Variants in CORIN observed in about 807,000 individuals in gnomAD.
CORIN encodes atrial natriuretic peptide-converting enzyme.
CORIN carries 117 observed loss-of-function variants against 125.3 expected under a neutral mutation model. The observed-to-expected ratio is 0.93, with a 90% CI of 0.80 to 1.09. The LOEUF is 1.09. Ranked by LOEUF, CORIN falls within the 50% of genes least tolerant of loss-of-function variation. CORIN has a pLI of 0.00. For missense variants in CORIN, 1,253 were observed against 1,306.7 expected (o/e 0.96, Z 0.63); for synonymous variants, 450 against 466.4 (o/e 0.96, Z 0.45).
At chr4:47,633,073 C>T (rs1305707527) in intron 16 of CORIN, among the ~76,000 whole-genome samples, 1 of 152,094 alleles carries the variant, frequency 6.6e-6, no homozygotes, top group Non-Finnish European at 1.5e-5. Flanking sequence ...TGAGCCACTG[C>T]GCCCAGCCTA....
intron 19 of CORIN, among the ~76,000 whole-genome samples, chr4:47,623,259 T>C (rs1722407889): frequency 6.6e-6 from 1 of 152,092 alleles, no homozygotes; most frequent in Admixed American, 6.6e-5. Flanking sequence ...GTTTAAGTTA[T>C]TATATATGTG....
intron 1 of CORIN, among the ~76,000 whole-genome samples, chr4:47,815,079 C>T (rs963630173): frequency 3.9e-5 from 6 of 152,030 alleles, no homozygotes; most frequent in African/African-American, 1.2e-4. Flanking sequence ...CTGTGAGAGA[C>T]GAGATTGGAA....
chr4:47,698,784 A>T (rs916722590), intron 5 of CORIN, among the ~76,000 whole-genome samples: 9 of 152,184 alleles, frequency 5.9e-5, no homozygotes, highest in African/African-American at 2.2e-4. Context: ...TTTTCTTAAC[A>T]ATGGACTACA....
intron 10 of CORIN, among the ~76,000 whole-genome samples, chr4:47,673,925 G>C (rs1254513690): frequency 1.5e-4 from 23 of 151,880 alleles, no homozygotes; most frequent in Admixed American, 1.5e-3. Flanking sequence ...GAGCCAAGAT[G>C]GGGCCACTGC....
intron 12 of CORIN, among the ~76,000 whole-genome samples, chr4:47,654,413 A>C (rs1723870987): frequency 6.6e-6 from 1 of 152,184 alleles, no homozygotes; most frequent in African/African-American, 2.4e-5. Context: ...GATCACTGAA[A>C]AAGGCACTGA....
At chr4:47,808,394 G>C (rs565053494) in intron 1 of CORIN, among the ~76,000 whole-genome samples, 1 of 152,306 alleles carries the variant, frequency 6.6e-6, no homozygotes, top group Non-Finnish European at 1.5e-5. Context: ...TCCCGTGGAT[G>C]CAAAGGCAAT....
chr4:47,684,539 G>A (rs1725426781), intron 6 of CORIN, among the ~76,000 whole-genome samples: 1 of 152,196 alleles, frequency 6.6e-6, no homozygotes, highest in Non-Finnish European at 1.5e-5. Context: ...GACTTTTAGT[G>A]TGTTATTGTT....
chr4:47,814,987 A>G (rs12645164), intron 1 of CORIN, among the ~76,000 whole-genome samples: 24,256 of 152,118 alleles, frequency 0.16, 2,155 homozygotes, highest in East Asian at 0.33. Flanking sequence ...CAAGGAGACT[A>G]GATAATAATA....
chr4:47,738,383 A>T (rs966695217), intron 5 of CORIN, among the ~76,000 whole-genome samples: 1 of 152,188 alleles, frequency 6.6e-6, no homozygotes, highest in Non-Finnish European at 1.5e-5. Context: ...CTTGGCAAAG[A>T]CTAGGATATA....
At chr4:47,737,182 G>A (rs146234448) in intron 5 of CORIN, among the ~76,000 whole-genome samples, 17 of 152,304 alleles carry the variant, frequency 1.1e-4, no homozygotes, top group Admixed American at 2.6e-4. Context: ...AGAGGTAGAC[G>A]GAGCCTTATA....
chr4:47,762,345 C>T (rs1344438060), intron 4 of CORIN, among the ~76,000 whole-genome samples: 1 of 152,096 alleles, frequency 6.6e-6, no homozygotes. Flanking sequence ...AGAAAAAATG[C>T]AACTTATTCT....
intron 9 of CORIN, among the ~76,000 whole-genome samples, chr4:47,676,554 C>T (rs1172542144): frequency 1.3e-5 from 2 of 152,146 alleles, no homozygotes; most frequent in Admixed American, 6.6e-5. Flanking sequence ...CGTAGCATGC[C>T]TATGTCCCCC....
At chr4:47,811,538 G>A (rs75667312) in intron 1 of CORIN, among the ~76,000 whole-genome samples, 4 of 151,948 alleles carry the variant, frequency 2.6e-5, no homozygotes, top group Non-Finnish European at 4.4e-5. Context: ...GGTTCTAGCT[G>A]GGGGGTGCAC....
rs1011223067 is a variant in CORIN at position 47,829,357 on chromosome 4, T to C, written c.63+8530A>G. 5.8e-4 allele frequency among the ~76,000 whole-genome samples: 88 copies of C among 152,164 alleles called. 2 individuals carry two copies. The highest frequency in any genetic ancestry group is 5.8e-3 in the Admixed American group (88 of 15,274). The stretch of plus-strand genomic sequence containing the variant: ...TCTGTGGCTAACATTATATTTCTAC[T>C]GGGGCAGGACCCTTCTGGACCTTCT... On this transcript the variant is annotated intron_variant, in intron 1 of 21. Transcript: ENST00000273857.
intron 5 of CORIN, among the ~76,000 whole-genome samples, chr4:47,699,649 G>C (rs1158927466): frequency 6.6e-6 from 1 of 152,204 alleles, no homozygotes; most frequent in Non-Finnish European, 1.5e-5. Context: ...GGTGTCTATG[G>C]AGCATGAATA....
chr4:47,611,285 T>C (rs775501742), intron 19 of CORIN, among the ~76,000 whole-genome samples: 30 of 152,196 alleles, frequency 2.0e-4, no homozygotes, highest in Admixed American at 6.5e-4. Context: ...CAGCGGTTTG[T>C]AGTTCTCCTT....
chr4:47,757,920 A>G (rs537014282), intron 4 of CORIN, among the ~76,000 whole-genome samples: 70 of 147,132 alleles, frequency 4.8e-4, no homozygotes, highest in African/African-American at 1.6e-3. Context: ...AAATATACAC[A>G]TATATATATT....
chr4:47,757,857 C>CATATATATACATATATATATGTATATAT (rs1232938851), intron 4 of CORIN, among the ~76,000 whole-genome samples: 1 of 107,482 alleles, frequency 9.3e-6, no homozygotes, highest in African/African-American at 3.8e-5. Flanking sequence ...TGAGTTTACA[C>CATATATATACATATATATATGTATATAT]ATATATATAC....
chr4:47,719,429 T>C (rs1727248659), intron 5 of CORIN, among the ~76,000 whole-genome samples: 1 of 152,238 alleles, frequency 6.6e-6, no homozygotes, highest in Non-Finnish European at 1.5e-5. Context: ...CCATCTGCTA[T>C]ATGAAGGACT....
Sources: gnomAD v4.1 joint callset for allele counts (sites outside exome capture counted in the v4.1 genomes callset) on GRCh38, gnomAD v4.1.1 for gene constraint, MANE v1.5 for transcripts, NCBI Gene and HGNC (gene_info 2026-07-23, HGNC 2026-07-21) for gene names.